The following BIRC5 variants were observed in gnomAD, a reference collection of about 807,000 sequenced individuals.
The protein encoded by BIRC5 is baculoviral IAP repeat containing 5, also known as baculoviral IAP repeat-containing protein 5.
In BIRC5, 8 loss-of-function variants were observed where a neutral mutation model predicts 15.8. The observed-to-expected ratio is 0.51, with a 90% CI of 0.30 to 0.91. The LOEUF (loss-of-function observed/expected upper bound fraction) is 0.91, where lower values mean the gene tolerates loss of function less well. BIRC5 is among the 40% of genes least tolerant of loss of function. BIRC5 has a pLI of 0.07. For synonymous variants in BIRC5, 56 were observed against 64.5 expected (o/e 0.87, Z 0.63); for missense variants, 163 against 178.6 (o/e 0.91, Z 0.50).
At chr17:78,222,771 A>T (rs1230900607) in intron 3 of BIRC5, 2 of 1,529,718 alleles carry the variant, frequency 1.3e-6, no homozygotes, top group Admixed American at 4.1e-5. Context: ...TTTATAAAAA[A>T]TATGGTAGGG....
intron 2 of BIRC5, 23 bp from the exon 3 acceptor site, chr17:78,216,641 C>T (rs769299439): frequency 3.4e-5 from 55 of 1,608,016 alleles, no homozygotes; most frequent in South Asian, 2.1e-4. Flanking sequence ...GCTGCCTTTC[C>T]GCTGTTGTTT....
At chr17:78,214,464 G>A in intron 1 of BIRC5, 37 bp downstream of exon 1, 2 of 1,493,814 alleles carry the variant, frequency 1.3e-6, no homozygotes, top group Non-Finnish European at 1.8e-6. Context: ...CCCCACGCCC[G>A]CCTTGCCCTG....
At chr17:78,222,694 C>A (rs1164958234) in intron 3 of BIRC5, 1 of 1,264,946 alleles carries the variant, frequency 7.9e-7, no homozygotes, top group African/African-American at 1.5e-5. Context: ...TTTAAGTTAA[C>A]CTCTGTCAGC....
chr17:78,214,636 T>C, intron 1 of BIRC5, 44 bp from the exon 2 acceptor site: 1 of 1,526,182 alleles, frequency 6.6e-7, no homozygotes, highest in Non-Finnish European at 8.9e-7. Context: ...GCCTCGGGGT[T>C]CCGGGCTGCC....
intron 2 of BIRC5, 87 bp downstream of exon 2, chr17:78,214,876 G>A (rs1009763100): frequency 2.3e-5 from 29 of 1,288,668 alleles, no homozygotes; most frequent in Non-Finnish European, 2.8e-5. Context: ...TAGTATGGGA[G>A]GGTTGCTTTC....
intron 3 of BIRC5, among the ~76,000 whole-genome samples, chr17:78,217,583 G>T (rs945246931): frequency 3.3e-5 from 5 of 151,970 alleles, no homozygotes; most frequent in African/African-American, 1.2e-4. Flanking sequence ...TGCAAGCTCC[G>T]CCCCCCAGGT....
Position 78,220,720 on chromosome 17 carries a change from C to CTT in BIRC5, c.340-2738_340-2737dup, listed in dbSNP as rs17881004. 6.0e-3 allele frequency among the ~76,000 whole-genome samples: 907 copies of CTT among 152,042 alleles called. 17 individuals are homozygous for CTT. The highest frequency in any genetic ancestry group is 0.02 in the African/African-American group (849 of 41,472). On this transcript the variant is annotated intron_variant, in intron 3 of 3. Coordinates refer to ENST00000350051, the MANE Select transcript of BIRC5 (RefSeq NM_001168.3). ...TACTTTAATTTTGAAACAATATAAT[C>CTT]TTTTTTTTGTTGTTTTTTTGAGACG...
intron 3 of BIRC5, among the ~76,000 whole-genome samples, chr17:78,218,375 C>T (rs1400120702): frequency 1.4e-5 from 2 of 143,906 alleles, no homozygotes; most frequent in Admixed American, 1.4e-4. Context: ...CTCACTGCAA[C>T]CTCTGCCTCC....
intron 3 of BIRC5, among the ~76,000 whole-genome samples, chr17:78,217,988 T>A (rs1189329337): frequency 2.9e-5 from 4 of 138,282 alleles, no homozygotes. Context: ...ATTTATTTAT[T>A]TTCATAGAGA....
chr17:78,218,829 A>T (rs990752311), intron 3 of BIRC5, among the ~76,000 whole-genome samples: 4 of 151,784 alleles, frequency 2.6e-5, no homozygotes, highest in African/African-American at 9.7e-5. Context: ...CTGGTCTCAA[A>T]CTCCTGACCT....
Position 78,223,105 on chromosome 17 carries a change from C to T in BIRC5, c.340-360C>T, listed in dbSNP as rs2076526154. Reference sequence around the variant, plus strand: ...GACTAGCTGGGTACTTTGAGTGGCTCCTTCAGCCTGGACCTCGGTTTCCTC... The same window carrying T: ...GACTAGCTGGGTACTTTGAGTGGCTTCTTCAGCCTGGACCTCGGTTTCCTC... On this transcript the variant is annotated intron_variant, in intron 3 of 3. Transcript: ENST00000350051. 4 of 1,124,034 alleles carry T rather than the reference C, an allele frequency of 3.6e-6. No individual in the cohort carries two copies. In the East Asian group the frequency reaches 1.1e-4, roughly 30 times the overall value. 69.6% of individuals were successfully genotyped at this position (1,124,034 alleles called of 1,614,324 possible). A position where few individuals can be genotyped will look rare whatever the true frequency, so the allele number is the denominator to read the frequency against.
chr17:78,214,907 C>T, intron 2 of BIRC5, 118 bp downstream of exon 2: 1 of 945,398 alleles, frequency 1.1e-6, no homozygotes, highest in Non-Finnish European at 1.6e-6. Flanking sequence ...GCTTCTTAAA[C>T]AGCTGTTGTG....
At chr17:78,215,907 A>G (rs1368817853) in intron 2 of BIRC5, 3 of 1,065,676 alleles carry the variant, frequency 2.8e-6, no homozygotes, top group East Asian at 1.6e-4. Flanking sequence ...AGTGTGAGCT[A>G]GGGGGTCCCT....
In BIRC5 at chr17:78,223,773, C is replaced by T. The variant is rs1302130941; in HGVS notation, c.*219C>T. ...CGGGTGCTGCTGGTAACAGTGGCTGCTTCTCTCTCTCTCTCTCTTTTTTGG... is the reference window on the plus strand; with the variant it reads ...CGGGTGCTGCTGGTAACAGTGGCTGTTTCTCTCTCTCTCTCTCTTTTTTGG... On this transcript the variant is annotated 3_prime_UTR_variant, in exon 4 of 4. Transcript: ENST00000350051. The T allele has an allele frequency of 2.0e-6, 2 of 1,015,920 alleles. No homozygotes were observed. Among genetic ancestry groups the T allele is most frequent in the Non-Finnish European group, 1.3e-6 (1 of 748,936 alleles). 62.9% of individuals were successfully genotyped at this position (1,015,920 alleles called of 1,614,324 possible).
chr17:78,222,839 G>C lies in BIRC5; in HGVS notation c.340-626G>C, dbSNP rs1025816639. The C allele has an allele frequency of 2.6e-6, 4 of 1,535,966 alleles. No individual in the cohort carries two copies. In the African/African-American group the frequency reaches 5.5e-5, roughly 21 times the overall value. On this transcript the variant is annotated intron_variant, in intron 3 of 3. Coordinates refer to ENST00000350051, the MANE Select transcript of BIRC5 (RefSeq NM_001168.3). The stretch of plus-strand genomic sequence containing the variant: ...CATTTGCCCCTTAGGAGAGAGCTCT[G>C]TTAGCAGAATGAAAAAATTGGAAGC...
At chr17:78,220,459 T>C (rs1567865566) in intron 3 of BIRC5, among the ~76,000 whole-genome samples, 2 of 149,448 alleles carry the variant, frequency 1.3e-5, no homozygotes, top group Admixed American at 1.3e-4. Context: ...GCTTTCATGA[T>C]GTGTGAGCTG....
rs2076542346 is a variant in BIRC5, at chr17:78,225,260, G to C, written c.*1706G>C. 1 of 152,176 alleles carries C rather than the reference G, an allele frequency of 6.6e-6. No individual in the cohort carries two copies. 9.4% of individuals were successfully genotyped at this position (152,176 alleles called of 1,614,324 possible). On this transcript the variant is annotated 3_prime_UTR_variant, in exon 4 of 4. Transcript: ENST00000350051. ...CGCCTGCCACGGCCTTTCCTTAAAG[G>C]CCATCCTTAAAACCAGACCCTCATG...
chr17:78,218,797 A>G (rs370395718), intron 3 of BIRC5, among the ~76,000 whole-genome samples: 11 of 151,594 alleles, frequency 7.3e-5, no homozygotes, highest in Non-Finnish European at 1.5e-4. Flanking sequence ...ATTAGAGACA[A>G]GGTTTCATCA....
At chr17:78,217,386 G>C (rs1236066397) in intron 3 of BIRC5, among the ~76,000 whole-genome samples, 1 of 151,750 alleles carries the variant, frequency 6.6e-6, no homozygotes, top group African/African-American at 2.4e-5. Context: ...ATGTTGGCCA[G>C]GCTGGTCTTG....
Sources: allele counts gnomAD v4.1 joint callset (sites outside exome capture counted in the v4.1 genomes callset), GRCh38; gene constraint gnomAD v4.1.1; transcripts MANE v1.5; gene names NCBI Gene and HGNC (gene_info 2026-07-23, HGNC 2026-07-21).